Variants in NUP188 observed in about 807,000 individuals in gnomAD.
NUP188 encodes nucleoporin 188.
In NUP188, 97 loss-of-function variants were observed where a neutral mutation model predicts 223.0. That is an observed-to-expected ratio of 0.43 (90% CI 0.37 to 0.51). The LOEUF (loss-of-function observed/expected upper bound fraction) is 0.51, where lower values mean the gene tolerates loss of function less well. Ranked by LOEUF, NUP188 falls within the 20% of genes least tolerant of loss-of-function variation. The pLI is 0.00. For missense variants in NUP188, 1,947 were observed against 2,175.6 expected, an observed-to-expected ratio of 0.89 and a Z score of 2.09; for synonymous variants, 869 against 828.0, an observed-to-expected ratio of 1.05 and a Z score of -0.85.
Position 128,993,292 on chromosome 9 carries a change from G to T in NUP188, c.2736G>T (p.Met912Ile). Reference sequence around the variant, plus strand: ...GATTGCAGAGCAAAATTGAGGACATGCGCATCAAAGTCATGATTCTAGAGT... The same window carrying T: ...GATTGCAGAGCAAAATTGAGGACATTCGCATCAAAGTCATGATTCTAGAGT... ...LTRLQSKIED[M>I]RIKVMILEFL... The change falls in exon 26 of 44, where the codon ATG becomes ATT. Residue 912 changes from methionine to isoleucine, a missense_variant. Physicochemically the swap from Met to Ile is conservative, Grantham distance 10. Around this residue, in one of 3 missense-constraint regions of NUP188, gnomAD observed 225 missense variants for 319.1 expected, o/e 0.71. Coordinates refer to ENST00000372577, the MANE Select transcript of NUP188 (RefSeq NM_015354.3). 6.2e-7 allele frequency: 1 copy of T among 1,614,158 alleles called. No individual in the cohort carries two copies. Among genetic ancestry groups the T allele is most frequent in the Non-Finnish European group, 8.5e-7 (1 of 1,179,986 alleles).
intron 8 of NUP188, among the ~76,000 whole-genome samples, chr9:128,961,032 C>T (rs1355656981): frequency 6.7e-6 from 1 of 149,986 alleles, no homozygotes; most frequent in Non-Finnish European, 1.5e-5. Context: ...TTGCAGTGAG[C>T]CAAGATTGCG....
chr9:128,968,379 G>A (rs1564554404), intron 8 of NUP188, 127 bp from the exon 9 acceptor site: 4 of 687,316 alleles, frequency 5.8e-6, no homozygotes, highest in African/African-American at 3.6e-5. Flanking sequence ...AGTTTGAGCA[G>A]CCATAATCTG....
intron 8 of NUP188, among the ~76,000 whole-genome samples, chr9:128,966,046 C>T (rs17485457): frequency 0.021 from 3,138 of 151,872 alleles, 113 homozygotes; most frequent in African/African-American, 0.072. Flanking sequence ...CTGCCTGCCT[C>T]GGCCTCCTAA....
chr9:128,990,140 A>C lies in NUP188; in HGVS notation c.2554A>C (p.Ile852Leu). ...SQHGAHGNNL[I>L]AVLAKYIYHK... ...TTTAGGTGCTCATGGAAACAACCTC[A>C]TTGCTGTTCTAGCCAAATACATCTA... is the stretch of plus-strand genomic sequence containing the variant. Residue 852 changes from isoleucine to leucine, a missense_variant, in exon 25 of 44, where the codon ATT becomes CTT. This residue lies in a region of NUP188 where 225 missense variants were observed against 319.1 expected (regional missense o/e 0.71). Coordinates refer to ENST00000372577, the MANE Select transcript of NUP188 (RefSeq NM_015354.3). The C allele has an allele frequency of 6.2e-7, 1 of 1,613,928 alleles. No individual in the cohort carries two copies. Among genetic ancestry groups the C allele is most frequent in the East Asian group, 2.2e-5 (1 of 44,892 alleles).
intron 15 of NUP188, among the ~76,000 whole-genome samples, chr9:128,981,874 T>C (rs1277622929): frequency 6.6e-6 from 1 of 152,000 alleles, no homozygotes; most frequent in Non-Finnish European, 1.5e-5. Context: ...GGTCGGGAGT[T>C]CGAGACCAGC....
chr9:128,969,191 G>A (rs529194725), intron 9 of NUP188, among the ~76,000 whole-genome samples: 7 of 152,276 alleles, frequency 4.6e-5, no homozygotes, highest in Middle Eastern at 6.8e-3. Context: ...TATAGATGGG[G>A]TGTCACTTTG....
At chr9:128,962,563 G>A (rs2131147453) in intron 8 of NUP188, among the ~76,000 whole-genome samples, 1 of 152,032 alleles carries the variant, frequency 6.6e-6, no homozygotes, top group East Asian at 1.9e-4. Flanking sequence ...ATATTCTTGA[G>A]TATAAAAACT....
chr9:128,995,416 C>T lies in NUP188; in HGVS notation c.3253C>T (p.His1085Tyr). ...WSGYVKSLAV[H>Y]VAETEGSSCT... ...AGGGTATGTCAAGTCATTGGCAGTT[C>T]ACGTGGCCGAAACAGAAGGCAGCAG... Residue 1085 changes from histidine to tyrosine, a missense_variant, in exon 30 of 44, where the codon CAC becomes TAC. Physicochemically the swap from His to Tyr is moderately conservative, Grantham distance 83 (BLOSUM62 2). Around this residue, in one of 3 missense-constraint regions of NUP188, gnomAD observed 905 missense variants for 990.6 expected, o/e 0.91. Coordinates refer to ENST00000372577, the MANE Select transcript of NUP188 (RefSeq NM_015354.3). 6.2e-7 allele frequency: 1 copy of T among 1,614,016 alleles called. No individual in the cohort carries two copies. The highest frequency in any genetic ancestry group is 8.5e-7 in the Non-Finnish European group (1 of 1,179,930).
In NUP188 at chr9:128,990,221, GC is replaced by G; in HGVS notation, c.2637del (p.Thr880ArgfsTer23). 1 of 1,612,108 alleles carries G rather than the reference GC, an allele frequency of 6.2e-7. No homozygotes were observed. Among genetic ancestry groups the G allele is most frequent in the Non-Finnish European group, 8.5e-7 (1 of 1,178,202 alleles). Reference protein sequence around the residue: ...RLAIQLLKRLATVAPMSVYAC... With the variant: ...RLAIQLLKRLXTVAPMSVYAC... The stretch of plus-strand genomic sequence containing the variant: ...TGCCATTCAGCTGCTGAAACGTCTG[GC>G]CACGGTAGGATCGTACTTCATGCAC... On this transcript the variant is annotated frameshift_variant, in exon 25 of 44. Transcript: ENST00000372577. LOFTEE classifies it high-confidence loss of function.
Position 128,987,088 on chromosome 9 carries a change from A to AGAGAGTGT in NUP188, c.2264+214_2264+215insAGAGTGTG, listed in dbSNP as rs1450678206. Among the ~76,000 whole-genome samples, 676 of 113,300 alleles carry AGAGAGTGT rather than the reference A, an allele frequency of 6.0e-3. 2 individuals carry two copies. The highest frequency in any genetic ancestry group is 0.018 in the South Asian group (56 of 3,158). 74.3% of individuals were successfully genotyped at this position (113,300 alleles called of 152,430 possible). ...ATGAGAGAGAGAGAGAGAGAGAGAG[A>AGAGAGTGT]GTGTGTGTGTGTGTGTGTGTGTGTG... On this transcript the variant is annotated intron_variant, in intron 22 of 43. Coordinates refer to ENST00000372577, the MANE Select transcript of NUP188 (RefSeq NM_015354.3).
intron 8 of NUP188, among the ~76,000 whole-genome samples, chr9:128,964,080 C>T (rs1841994122): frequency 6.6e-6 from 1 of 152,146 alleles, no homozygotes; most frequent in African/African-American, 2.4e-5. Context: ...TCCCAAAGTG[C>T]TGGGATTACT....
chr9:128,999,127 A>C (rs750009615), intron 32 of NUP188, 45 bp from the exon 33 acceptor site: 1 of 1,571,436 alleles, frequency 6.4e-7, no homozygotes, highest in Non-Finnish European at 8.7e-7. Context: ...TGCTAGGATT[A>C]CAGGCATGAG....
intron 31 of NUP188, 40 bp downstream of exon 31, chr9:128,998,268 G>T: frequency 6.4e-7 from 1 of 1,552,856 alleles, no homozygotes; most frequent in Non-Finnish European, 8.9e-7. Flanking sequence ...TCCCAGGGAG[G>T]TTGTCTTTGA....
At position 128,993,540 on chromosome 9, in the gene NUP188, A is replaced by T; in HGVS notation, c.2863A>T (p.Met955Leu). The change falls in exon 27 of 44, where the codon ATG (methionine) becomes TTG (leucine). Residue 955 changes from methionine (M) to leucine (L), a missense_variant. Physicochemically the swap from Met to Leu is conservative, Grantham distance 15. This residue lies in a region of NUP188 where 225 missense variants were observed against 319.1 expected (regional missense o/e 0.71). Transcript: ENST00000372577. ...CTTCTTGCAGGAATTCAGCCTTGGGATGTGGAGCTGTCTCCATGCAGTGCT... is the reference window on the plus strand; with the variant it reads ...CTTCTTGCAGGAATTCAGCCTTGGGTTGTGGAGCTGTCTCCATGCAGTGCT... The part of the protein sequence containing the change: ...SDGSKEFSLG[M>L]WSCLHAVLEL... 6.2e-7 allele frequency: 1 copy of T among 1,614,050 alleles called. No individual in the cohort carries two copies. Among genetic ancestry groups the T allele is most frequent in the Non-Finnish European group, 8.5e-7 (1 of 1,180,002 alleles).
At chr9:128,954,779 G>C (rs1037261058) in intron 3 of NUP188, among the ~76,000 whole-genome samples, 3 of 151,774 alleles carry the variant, frequency 2.0e-5, no homozygotes, top group African/African-American at 7.3e-5. Flanking sequence ...CCCAATTTGG[G>C]TTTGTCTGAT....
At chr9:128,949,317 TAAATGTA>T in intron 2 of NUP188, 74 bp downstream of exon 2, 4 of 1,041,656 alleles carry the variant, frequency 3.8e-6, no homozygotes, top group Non-Finnish European at 4.4e-6. Context: ...AACCTTTTTT[TAAATGTA>T]GGAAGTAAAC....
chr9:128,975,374 C>T (rs1038442661), intron 12 of NUP188, among the ~76,000 whole-genome samples: 7 of 151,750 alleles, frequency 4.6e-5, no homozygotes, highest in African/African-American at 1.7e-4. Context: ...CAGGCGCCTG[C>T]CACCATGCCT....
chr9:128,953,647 A>G (rs1403958593), intron 3 of NUP188, among the ~76,000 whole-genome samples: 1 of 152,192 alleles, frequency 6.6e-6, no homozygotes, highest in East Asian at 1.9e-4. Flanking sequence ...TTGACTATGT[A>G]TCTAAAATAC....
In NUP188 at chr9:128,966,170, CGTGT is replaced by C. The variant is rs1305025277; in HGVS notation, c.586-2334_586-2331del. On this transcript the variant is annotated intron_variant, in intron 8 of 43. Transcript: ENST00000372577. Reference sequence around the variant, plus strand: ...GTGTGTGTGTGTGTGTGTGTGTGTGCGTGTGCCCAGCCTTGTTCTTTAGTTTTTA... The same window carrying C: ...GTGTGTGTGTGTGTGTGTGTGTGTGCGCCCAGCCTTGTTCTTTAGTTTTTA... 4.4e-4 allele frequency among the ~76,000 whole-genome samples: 36 copies of C among 81,518 alleles called. 1 individual carries two copies. In the East Asian group the frequency reaches 0.012, roughly 28 times the overall value. 53.5% of individuals were successfully genotyped at this position (81,518 alleles called of 152,430 possible).
Sources: allele counts gnomAD v4.1 joint callset (sites outside exome capture counted in the v4.1 genomes callset), GRCh38; gene constraint gnomAD v4.1.1; regional missense constraint gnomAD v4.1.1; transcripts MANE v1.5; gene names NCBI Gene and HGNC (gene_info 2026-07-23, HGNC 2026-07-21).